The following SCYL1 variants were observed in gnomAD, a reference collection of about 807,000 sequenced individuals.
The protein encoded by SCYL1 is N-terminal kinase-like protein.
SCYL1 carries 85 observed loss-of-function variants against 94.8 expected under a neutral mutation model. The observed-to-expected ratio is 0.90, with a 90% confidence interval of 0.75 to 1.07. SCYL1 has a LOEUF of 1.07. SCYL1 is among the 50% of genes least tolerant of loss of function. SCYL1 has a pLI of 0.00. For synonymous variants in SCYL1, 459 were observed against 435.5 expected (o/e 1.05, Z -0.67); for missense variants, 968 against 1,083.3 (o/e 0.89, Z 1.49).
rs1268738941 is a variant in SCYL1, at chr11:65,538,078, C to T, written c.2143C>T (p.Pro715Ser). The T allele has an allele frequency of 6.2e-7, 1 of 1,607,910 alleles. No homozygotes were observed. The highest frequency in any genetic ancestry group is 8.5e-7 in the Non-Finnish European group (1 of 1,177,778). ...GWQEPSSQEP[P>S]PDGTRLASEY... Reference sequence around the variant, plus strand: ...GCAGGAGCCAAGCTCCCAGGAGCCACCTCCTGACGGTACACGGCTGGCCAG... The same window carrying T: ...GCAGGAGCCAAGCTCCCAGGAGCCATCTCCTGACGGTACACGGCTGGCCAG... The change falls in exon 16 of 18, where the codon CCT (proline) becomes TCT (serine). Residue 715 changes from proline to serine, a missense_variant. Pro to Ser is a moderately conservative substitution (Grantham distance 74). Transcript: ENST00000270176.
At chr11:65,530,513 C>G in intron 6 of SCYL1, 116 bp from the exon 7 acceptor site, 1 of 1,207,360 alleles carries the variant, frequency 8.3e-7, no homozygotes, top group African/African-American at 1.5e-5. Context: ...CCCAGGCAGC[C>G]AGGCTCCAGA....
intron 12 of SCYL1, 66 bp downstream of exon 12, chr11:65,536,400 C>A (rs1855646189): frequency 1.9e-6 from 3 of 1,544,292 alleles, no homozygotes; most frequent in Non-Finnish European, 2.7e-6. Context: ...TGTTTGTGTC[C>A]CACCCCCACT....
chr11:65,528,040 G>A (rs971428140), intron 6 of SCYL1, among the ~76,000 whole-genome samples: 3 of 152,202 alleles, frequency 2.0e-5, no homozygotes, highest in Non-Finnish European at 4.4e-5. Context: ...CGGTGTGGAG[G>A]AAGGTGAGGC....
intron 10 of SCYL1, 49 bp from the exon 11 acceptor site, chr11:65,535,904 C>A (rs758838355): frequency 6.7e-7 from 1 of 1,503,398 alleles, no homozygotes; most frequent in South Asian, 1.3e-5. Flanking sequence ...GGTTCTGGGT[C>A]CCAACATTGA....
At position 65,526,371 on chromosome 11, in the gene SCYL1, C is replaced by A. The variant is rs757945566; in HGVS notation, c.602+21C>A. On this transcript the variant is annotated intron_variant, in intron 4 of 17. Coordinates refer to ENST00000270176, the MANE Select transcript of SCYL1 (RefSeq NM_020680.4). The surrounding 1 kb of genome is among the most constrained non-coding windows in gnomAD (Gnocchi z 4.1). ...AAGTGGTGGGTGACTGGGGGCAGCG[C>A]GCCCCAACCTGCCCTGTCCTGGAGG... The A allele has an allele frequency of 1.2e-5, 19 of 1,564,054 alleles. No individual in the cohort carries two copies. The highest frequency in any genetic ancestry group is 1.7e-5 in the Non-Finnish European group (19 of 1,148,902).
chr11:65,534,429 G>A (rs565994891), intron 9 of SCYL1, among the ~76,000 whole-genome samples: 3 of 152,044 alleles, frequency 2.0e-5, no homozygotes, highest in Non-Finnish European at 2.9e-5. Flanking sequence ...AAAAAGATAC[G>A]GAGACGAGAG....
intron 12 of SCYL1, 34 bp downstream of exon 12, chr11:65,536,368 T>G: frequency 6.2e-7 from 1 of 1,606,060 alleles, no homozygotes; most frequent in Non-Finnish European, 8.5e-7. Context: ...CCTCTTTCCC[T>G]GCCATGTCCT....
chr11:65,525,467 G>C, intron 1 of SCYL1, 107 bp from the exon 2 acceptor site: 1 of 1,385,482 alleles, frequency 7.2e-7, no homozygotes, highest in East Asian at 2.5e-5. Context: ...CGTGGGCCCG[G>C]CGAAGTGTCC....
At chr11:65,536,837 G>T (rs1240616585) in intron 13 of SCYL1, 87 bp downstream of exon 13, 2 of 1,447,808 alleles carry the variant, frequency 1.4e-6, no homozygotes, top group Non-Finnish European at 1.9e-6. Flanking sequence ...ACTCCCCCGG[G>T]GATGGTGAAG....
chr11:65,530,945 CT>C (rs1855332020), intron 7 of SCYL1, among the ~76,000 whole-genome samples, 158 bp downstream of exon 7: 1 of 152,136 alleles, frequency 6.6e-6, no homozygotes, highest in South Asian at 2.1e-4. Flanking sequence ...CAGCTGTCCC[CT>C]GGGGAGGAGA....
chr11:65,532,505 C>T (rs900124702), intron 8 of SCYL1, among the ~76,000 whole-genome samples, 187 bp from the exon 9 acceptor site: 1 of 152,056 alleles, frequency 6.6e-6, no homozygotes, highest in South Asian at 2.1e-4. Context: ...GCCTTCCTAG[C>T]GCCCTCCTGG....
Position 65,531,670 on chromosome 11 carries a change from G to T in SCYL1, c.1103G>T (p.Arg368Leu), listed in dbSNP as rs187644314. 5.0e-6 allele frequency: 8 copies of T among 1,612,556 alleles called. No homozygotes were observed. Among genetic ancestry groups the T allele is most frequent in the Non-Finnish European group, 6.8e-6 (8 of 1,178,846 alleles). Reference protein sequence around the residue: ...FSSTDRAMRIRLLQQMEQFIQ... With the variant: ...FSSTDRAMRILLLQQMEQFIQ... ...TCCACTGACCGGGCCATGCGCATCC[G>T]CCTCCTGCAGCAGGTGAGGCCTCTG... Residue 368 changes from arginine to leucine, a missense_variant, in exon 8 of 18, where the codon CGC (arginine) becomes CTC (leucine). By Grantham distance (102) the Arg-to-Leu change is moderately radical. Around this residue, in one of 2 missense-constraint regions of SCYL1, gnomAD observed 494 missense variants for 619.7 expected, o/e 0.80. Transcript: ENST00000270176.
chr11:65,537,693 C>A lies in SCYL1; in HGVS notation c.1960-116C>A, dbSNP rs979709879. 4 of 857,038 alleles carry A rather than the reference C, an allele frequency of 4.7e-6. No individual in the cohort carries two copies. In the African/African-American group the frequency reaches 5.1e-5, roughly 11 times the overall value. 53.1% of individuals were successfully genotyped at this position (857,038 alleles called of 1,614,324 possible). A position where few individuals can be genotyped will look rare whatever the true frequency, so the allele number is the denominator to read the frequency against. Reference sequence around the variant, plus strand: ...TAGATGGGAAACAGGGCCTGAGGAGCAAATGAGGAGGAAGGCAAAAGACAG... The same window carrying A: ...TAGATGGGAAACAGGGCCTGAGGAGAAAATGAGGAGGAAGGCAAAAGACAG... On this transcript the variant is annotated intron_variant, in intron 14 of 17. Transcript: ENST00000270176.
At position 65,525,281 on chromosome 11, in the gene SCYL1, T is replaced by C. The variant is rs1343134713; in HGVS notation, c.111+17T>C. 2.9e-6 allele frequency: 4 copies of C among 1,401,606 alleles called. No homozygotes were observed. Among genetic ancestry groups the C allele is most frequent in the Admixed American group, 3.3e-5 (1 of 30,292 alleles). The allele number at this position is 1,401,606 out of a possible 1,614,324, so 86.8% of individuals were successfully genotyped here. A position where few individuals can be genotyped will look rare whatever the true frequency, so the allele number is the denominator to read the frequency against. On this transcript the variant is annotated intron_variant, in intron 1 of 17. Coordinates refer to ENST00000270176, the MANE Select transcript of SCYL1 (RefSeq NM_020680.4). ...CGCAAGAAGGTGAGTGCGGCCGAGC[T>C]CCGTAGGCCGCGGTCGACCTGGGCC...
intron 9 of SCYL1, among the ~76,000 whole-genome samples, chr11:65,534,003 C>T (rs563227727): frequency 1.4e-3 from 212 of 152,138 alleles, no homozygotes; most frequent in African/African-American, 4.6e-3. Context: ...CTGAGGTGGG[C>T]GGATCACAAG....
Position 65,535,347 on chromosome 11 carries a change from T to G in SCYL1, c.1351T>G (p.Cys451Gly). 1 of 1,614,254 alleles carries G rather than the reference T, an allele frequency of 6.2e-7. No homozygotes were observed. The highest frequency in any genetic ancestry group is 8.5e-7 in the Non-Finnish European group (1 of 1,180,034). ...QGPIRCNTTV[C>G]LGKIGSYLSA... Reference sequence around the variant, plus strand: ...CCCCATCCGCTGCAACACCACAGTCTGCCTGGGCAAAATCGGCTCCTACCT... The same window carrying G: ...CCCCATCCGCTGCAACACCACAGTCGGCCTGGGCAAAATCGGCTCCTACCT... Residue 451 changes from cysteine to glycine, a missense_variant, in exon 10 of 18, where the codon TGC becomes GGC. This residue lies in a region of SCYL1 where 494 missense variants were observed against 619.7 expected (regional missense o/e 0.80). Transcript: ENST00000270176.
At chr11:65,527,196 A>G (rs565083046) in intron 6 of SCYL1, 79 bp downstream of exon 6, 34 of 1,499,332 alleles carry the variant, frequency 2.3e-5, no homozygotes, top group Non-Finnish European at 2.9e-5. Flanking sequence ...GTACCTCACA[A>G]TTGACCCTCA....
At position 65,538,269 on chromosome 11, in the gene SCYL1, G is replaced by T. The variant is rs1282214433; in HGVS notation, c.2248-1G>T. The T allele has an allele frequency of 6.4e-7, 1 of 1,553,426 alleles. No homozygotes were observed. Among genetic ancestry groups the T allele is most frequent in the East Asian group, 2.4e-5 (1 of 41,038 alleles). ...ACTGCAGCCCACACTTCTCTTTACA[G>T]CCGAGGCCAGACTCTTGGGGTGAGG... On this transcript the variant is annotated splice_acceptor_variant, in intron 16 of 17. Coordinates refer to ENST00000270176, the MANE Select transcript of SCYL1 (RefSeq NM_020680.4). LOFTEE classifies it high-confidence loss of function.
At chr11:65,534,529 GT>G (rs1354070377) in intron 9 of SCYL1, among the ~76,000 whole-genome samples, 1 of 152,188 alleles carries the variant, frequency 6.6e-6, no homozygotes, top group Non-Finnish European at 1.5e-5. Flanking sequence ...CATCTTGGCT[GT>G]TTCTGTTAGG....
Sources: gnomAD v4.1 joint callset for allele counts (sites outside exome capture counted in the v4.1 genomes callset) on GRCh38, gnomAD v4.1.1 for gene constraint, gnomAD v4.1.1 regional missense constraint, Gnocchi (gnomAD v3.1) non-coding constraint, MANE v1.5 for transcripts, NCBI Gene and HGNC (gene_info 2026-07-23, HGNC 2026-07-21) for gene names.